The following DLC1 variants were observed in gnomAD, a reference collection of about 807,000 sequenced individuals.
The protein encoded by DLC1 is rho GTPase-activating protein 7.
Under a neutral mutation model 140.3 loss-of-function variants are expected in DLC1, and 54 were observed. That is an observed-to-expected ratio of 0.38 (90% CI 0.31 to 0.48). DLC1 has a LOEUF of 0.48. DLC1 is among the 20% of genes least tolerant of loss of function. The probability of loss-of-function intolerance (pLI) is 0.96; values close to 1 mark genes in which losing one functional copy is unlikely to be tolerated. For missense variants in DLC1, 2,536 were observed against 1,907.0 expected (o/e 1.33, Z -6.14); for synonymous variants, 986 against 728.1 (o/e 1.35, Z -5.70).
chr8:13,212,433 CTA>C (rs1827993769), intron 5 of DLC1, among the ~76,000 whole-genome samples: 2 of 152,152 alleles, frequency 1.3e-5, no homozygotes, highest in African/African-American at 4.8e-5. Flanking sequence ...GCATTTATTG[CTA>C]TGTCTCTAGT....
At chr8:13,104,945 G>C (rs930746074) in intron 7 of DLC1, among the ~76,000 whole-genome samples, 1 of 152,206 alleles carries the variant, frequency 6.6e-6, no homozygotes, top group East Asian at 1.9e-4. Flanking sequence ...TACACCCACA[G>C]TGTTTTAGTT....
chr8:13,426,756 TA>T (rs1838602290), intron 2 of DLC1, among the ~76,000 whole-genome samples: 1 of 151,896 alleles, frequency 6.6e-6, no homozygotes, highest in South Asian at 2.1e-4. Flanking sequence ...TTCCTGTGTT[TA>T]TAGTCCCATT....
At chr8:13,462,372 G>T (rs1799707433) in intron 2 of DLC1, among the ~76,000 whole-genome samples, 1 of 151,412 alleles carries the variant, frequency 6.6e-6, no homozygotes, top group Non-Finnish European at 1.5e-5. Context: ...TCCTGAACAA[G>T]AGGAATAAAA....
At chr8:13,484,240 G>T (rs1800867595) in intron 2 of DLC1, among the ~76,000 whole-genome samples, 1 of 152,140 alleles carries the variant, frequency 6.6e-6, no homozygotes, top group African/African-American at 2.4e-5. Flanking sequence ...GGATATGAGA[G>T]ATCATGAAGA....
intron 5 of DLC1, among the ~76,000 whole-genome samples, chr8:13,174,405 G>A (rs1164251309): frequency 6.6e-6 from 1 of 152,124 alleles, no homozygotes; most frequent in East Asian, 1.9e-4. Context: ...TGGGTTGAAT[G>A]GTAGTTCTAT....
chr8:13,424,965 A>G (rs762208835), intron 2 of DLC1, among the ~76,000 whole-genome samples: 1 of 152,182 alleles, frequency 6.6e-6, no homozygotes, highest in Admixed American at 6.5e-5. Context: ...TATAAATATG[A>G]TCATATGCAT....
intron 3 of DLC1, among the ~76,000 whole-genome samples, chr8:13,396,969 A>G (rs946995637): frequency 1.3e-4 from 19 of 151,522 alleles, no homozygotes; most frequent in African/African-American, 4.4e-4. Flanking sequence ...GCTTTGTGTA[A>G]TTAATCCTAC....
At chr8:13,346,539 A>C (rs1834348124) in intron 4 of DLC1, among the ~76,000 whole-genome samples, 1 of 152,210 alleles carries the variant, frequency 6.6e-6, no homozygotes, top group African/African-American at 2.4e-5. Context: ...ATTTTAAACC[A>C]TCACATATGT....
intron 1 of DLC1, among the ~76,000 whole-genome samples, chr8:13,535,574 A>G (rs1803248463): frequency 6.6e-6 from 1 of 150,964 alleles, no homozygotes; most frequent in Admixed American, 6.6e-5. Context: ...AGTGAGCCTC[A>G]GGGACATAAC....
At chr8:13,530,643 G>T (rs1040105606) in intron 1 of DLC1, among the ~76,000 whole-genome samples, 5 of 152,174 alleles carry the variant, frequency 3.3e-5, no homozygotes, top group African/African-American at 1.2e-4. Context: ...CTGGCAGGTT[G>T]TCTGAATAGT....
chr8:13,187,766 C>T (rs182474514), intron 5 of DLC1, among the ~76,000 whole-genome samples: 1 of 152,278 alleles, frequency 6.6e-6, no homozygotes, highest in African/African-American at 2.4e-5. Flanking sequence ...TCTGCAGAGG[C>T]ACCACTAACA....
chr8:13,382,431 C>T (rs1441986967), intron 4 of DLC1, among the ~76,000 whole-genome samples: 1 of 138,554 alleles, frequency 7.2e-6, no homozygotes, highest in Non-Finnish European at 1.5e-5. Context: ...GGCGTGAACC[C>T]CAGGGGGCGG....
At chr8:13,457,316 C>T (rs1056311638) in intron 2 of DLC1, among the ~76,000 whole-genome samples, 1 of 152,052 alleles carries the variant, frequency 6.6e-6, no homozygotes. Context: ...AAAATATGCT[C>T]CTGTCATGCT....
intron 5 of DLC1, among the ~76,000 whole-genome samples, chr8:13,218,549 T>C (rs554147238): frequency 2.0e-4 from 31 of 151,830 alleles, no homozygotes; most frequent in African/African-American, 7.5e-4. Context: ...CATTAGGGAA[T>C]TGCAAATCAA....
chr8:13,546,545 C>G (rs146870591), intron 1 of DLC1, among the ~76,000 whole-genome samples: 19 of 152,220 alleles, frequency 1.2e-4, no homozygotes, highest in East Asian at 1.9e-4. Context: ...GTCTTATTTA[C>G]AGAATATGAC....
intron 5 of DLC1, among the ~76,000 whole-genome samples, chr8:13,294,527 GT>G (rs1272303662): frequency 1.3e-5 from 2 of 152,142 alleles, no homozygotes; most frequent in Non-Finnish European, 2.9e-5. Flanking sequence ...GTCATTGGGG[GT>G]TAGGGTAGAT....
At chr8:13,325,636 A>T (rs1186532599) in intron 4 of DLC1, among the ~76,000 whole-genome samples, 2 of 152,194 alleles carry the variant, frequency 1.3e-5, no homozygotes, top group Admixed American at 6.5e-5. Flanking sequence ...GTAAAGACCA[A>T]CCTCTGAAAA....
intron 5 of DLC1, among the ~76,000 whole-genome samples, chr8:13,229,881 A>G (rs934853544): frequency 3.3e-5 from 5 of 152,228 alleles, no homozygotes; most frequent in Non-Finnish European, 7.3e-5. Context: ...CTTAGACCAG[A>G]TGCATTTGTA....
chr8:13,239,401 T>C (rs1302441416), intron 5 of DLC1, among the ~76,000 whole-genome samples: 1 of 151,762 alleles, frequency 6.6e-6, no homozygotes, highest in Non-Finnish European at 1.5e-5. Context: ...AAACAGAGTG[T>C]TGAGTTGGGT....
Sources: gnomAD v4.1 joint callset for allele counts (sites outside exome capture counted in the v4.1 genomes callset) on GRCh38, gnomAD v4.1.1 for gene constraint, MANE v1.5 for transcripts, NCBI Gene and HGNC (gene_info 2026-07-23, HGNC 2026-07-21) for gene names.